Variants in DRAM2 observed in about 807,000 individuals in gnomAD.
DRAM2 encodes DNA damage regulated autophagy modulator 2, also known as DNA damage-regulated autophagy modulator protein 2.
DRAM2 carries 26 observed loss-of-function variants against 33.5 expected under a neutral mutation model. That is an observed-to-expected ratio of 0.78 (90% CI 0.57 to 1.08). The LOEUF (loss-of-function observed/expected upper bound fraction) is 1.08. DRAM2 is among the 50% of genes least tolerant of loss of function. The pLI is 0.00. For missense variants in DRAM2, 311 were observed against 318.1 expected, an observed-to-expected ratio of 0.98 and a Z score of 0.17; for synonymous variants, 98 against 109.5, an observed-to-expected ratio of 0.89 and a Z score of 0.66.
At chr1:111,121,469 T>C (rs927820319) in intron 6 of DRAM2, among the ~76,000 whole-genome samples, 12 of 152,136 alleles carry the variant, frequency 7.9e-5, no homozygotes, top group African/African-American at 2.9e-4. Flanking sequence ...TGATATTTTA[T>C]TATGGCAGCA....
intron 6 of DRAM2, among the ~76,000 whole-genome samples, chr1:111,122,148 T>C (rs968153996): frequency 1.3e-5 from 2 of 152,178 alleles, no homozygotes; most frequent in African/African-American, 4.8e-5. Flanking sequence ...TTTTTTTCTC[T>C]CTTGAATTGT....
chr1:111,119,924 A>T lies in DRAM2; in HGVS notation c.553T>A (p.Phe185Ile). 6.2e-7 allele frequency: 1 copy of T among 1,612,994 alleles called. No homozygotes were observed. Among genetic ancestry groups the T allele is most frequent in the Non-Finnish European group, 8.5e-7 (1 of 1,179,206 alleles). ...AGTTTCTGTTCTAAATCAGTCCCAA[A>T]ATTGCCACTGTGCAAAACTGATGAG... ...TCSSVLHSGN[F>I]GTDLEQKLHW... Residue 185 changes from phenylalanine (F) to isoleucine (I), a missense_variant, in exon 8 of 10, where the codon TTT (phenylalanine) becomes ATT (isoleucine). Transcript: ENST00000484310.
rs544492476 is a variant in DRAM2, at chr1:111,133,244, C to A, written c.-14-1676G>T. 6.8e-5 allele frequency among the ~76,000 whole-genome samples: 10 copies of A among 147,942 alleles called. No individual in the cohort carries two copies. In the South Asian group the frequency reaches 2.1e-3, roughly 32 times the overall value. On this transcript the variant is annotated intron_variant, in intron 3 of 9. Transcript: ENST00000484310. ...CCAGGCTGGACTGCAGTGGCACAAT[C>A]TCGGCTCGCTGCAACCTCAGCCTCC...
At chr1:111,128,206 G>A (rs1417441441) in intron 4 of DRAM2, among the ~76,000 whole-genome samples, 2 of 146,658 alleles carry the variant, frequency 1.4e-5, no homozygotes, top group African/African-American at 5.1e-5. Flanking sequence ...CTTTTGGATA[G>A]GATCTAGGAA....
At chr1:111,127,150 G>A (rs1303167992) in intron 4 of DRAM2, among the ~76,000 whole-genome samples, 1 of 152,164 alleles carries the variant, frequency 6.6e-6, no homozygotes, top group East Asian at 1.9e-4. Context: ...GGTAATGCAT[G>A]TTAAGTATCT....
chr1:111,131,651 T>C, intron 3 of DRAM2, 83 bp from the exon 4 acceptor site: 1 of 1,335,740 alleles, frequency 7.5e-7, no homozygotes, highest in Non-Finnish European at 1.0e-6. Context: ...CACAGCCTTG[T>C]ACTTACCACC....
In DRAM2 at chr1:111,131,387, TAA is replaced by T. The variant is rs761614778; in HGVS notation, c.131+35_131+36del. The T allele has an allele frequency of 1.6e-5, 25 of 1,571,394 alleles. No homozygotes were observed. In the East Asian group the frequency reaches 4.7e-4, roughly 30 times the overall value. On this transcript the variant is annotated intron_variant, in intron 4 of 9. Coordinates refer to ENST00000484310, the MANE Select transcript of DRAM2 (RefSeq NM_001349884.2). ...TCAATGTTAAAATAAGAATGAGACATAAAGAGTCTCCTATACAAAGAATACAT... is the reference window on the plus strand; with the variant it reads ...TCAATGTTAAAATAAGAATGAGACATAGAGTCTCCTATACAAAGAATACAT...
intron 2 of DRAM2, 123 bp downstream of exon 2, chr1:111,139,378 G>A (rs1422207117): frequency 2.0e-5 from 3 of 152,190 alleles, no homozygotes; most frequent in African/African-American, 2.4e-5. Context: ...CACCCGCTGC[G>A]ATAGAATTGA....
rs1312382578 is a variant in DRAM2 at position 111,124,805 on chromosome 1, G to A, written c.276C>T (p.Asn92=). The change falls in exon 6 of 10, where the codon AAC becomes AAT. Residue 92 remains asparagine (N), a synonymous_variant. Coordinates refer to ENST00000484310, the MANE Select transcript of DRAM2 (RefSeq NM_001349884.2). ...SPEENVIIKL[N]KAGLVLGILS... ...GTATTCCAAGTACAAGGCCAGCCTT[G>A]TTTAATTTGATGATAACGTTCTCTT... 1.9e-6 allele frequency: 3 copies of A among 1,613,532 alleles called. No individual in the cohort carries two copies. Among genetic ancestry groups the A allele is most frequent in the South Asian group, 1.1e-5 (1 of 91,072 alleles).
At chr1:111,130,868 G>A (rs1238301229) in intron 4 of DRAM2, among the ~76,000 whole-genome samples, 1 of 151,250 alleles carries the variant, frequency 6.6e-6, no homozygotes, top group Non-Finnish European at 1.5e-5. Flanking sequence ...TCAGCTGGGC[G>A]TAGTGATGCA....
rs1254929331 is a variant in DRAM2 at position 111,117,660 on chromosome 1, GAAC to G, written c.*497_*499del. ...TACTTTCCTTTACAGGTAGATTCCA[GAAC>G]AACAACAAAAAATGTAAGACTACAA... is the stretch of plus-strand genomic sequence containing the variant. On this transcript the variant is annotated 3_prime_UTR_variant, in exon 10 of 10. Transcript: ENST00000484310. The G allele has an allele frequency of 1.9e-5, 3 of 156,152 alleles. No homozygotes were observed. Among genetic ancestry groups the G allele is most frequent in the African/African-American group, 7.2e-5 (3 of 41,380 alleles). The allele number at this position is 156,152 out of a possible 1,614,324, so 9.7% of individuals were successfully genotyped here. A position where few individuals can be genotyped will look rare whatever the true frequency, so the allele number is the denominator to read the frequency against.
intron 3 of DRAM2, among the ~76,000 whole-genome samples, chr1:111,133,178 CTTTTT>C (rs35385263): frequency 1.5e-5 from 2 of 134,582 alleles, no homozygotes; most frequent in Non-Finnish European, 3.2e-5. Context: ...CTTTACTTAC[CTTTTT>C]TTTTTTTTTT....
chr1:111,117,607 C>T lies in DRAM2; in HGVS notation c.*553G>A, dbSNP rs1325740085. 1 of 153,574 alleles carries T rather than the reference C, an allele frequency of 6.5e-6. No homozygotes were observed. Among genetic ancestry groups the T allele is most frequent in the African/African-American group, 2.4e-5 (1 of 41,404 alleles). 9.5% of individuals were successfully genotyped at this position (153,574 alleles called of 1,614,324 possible). ...AAAATCTCTTGGGCAACACTTAAGC[C>T]ATGGAAGAGCCCACATGAATCCAGG... is the stretch of plus-strand genomic sequence containing the variant. On this transcript the variant is annotated 3_prime_UTR_variant, in exon 10 of 10. Coordinates refer to ENST00000484310, the MANE Select transcript of DRAM2 (RefSeq NM_001349884.2).
rs551362455 is a variant in DRAM2 at position 111,136,991 on chromosome 1, C to T, written c.-15+532G>A. Among the ~76,000 whole-genome samples, 24 of 150,416 alleles carry T rather than the reference C, an allele frequency of 1.6e-4. 1 individual carries two copies. In the South Asian group the frequency reaches 4.9e-3, roughly 31 times the overall value. On this transcript the variant is annotated intron_variant, in intron 3 of 9. Coordinates refer to ENST00000484310, the MANE Select transcript of DRAM2 (RefSeq NM_001349884.2). The stretch of plus-strand genomic sequence containing the variant: ...ATGATTGGCCGGGCACGGTGGCTCG[C>T]GCCTGTAATCCTAGCACTTTGGGAG...
chr1:111,123,555 CAA>C (rs1650428217), intron 6 of DRAM2, among the ~76,000 whole-genome samples: 1 of 152,182 alleles, frequency 6.6e-6, no homozygotes, highest in Non-Finnish European at 1.5e-5. Context: ...TACCATCCCT[CAA>C]GTGATGTCTA....
intron 4 of DRAM2, among the ~76,000 whole-genome samples, chr1:111,128,452 AG>A (rs1171063190): frequency 6.6e-6 from 1 of 152,166 alleles, no homozygotes; most frequent in Non-Finnish European, 1.5e-5. Context: ...AGTACCACCA[AG>A]GAAGTGAAAC....
chr1:111,128,692 C>T (rs944299723), intron 4 of DRAM2, among the ~76,000 whole-genome samples: 3 of 152,126 alleles, frequency 2.0e-5, no homozygotes, highest in Non-Finnish European at 4.4e-5. Context: ...GTGGATTCAA[C>T]GAAGTACTTG....
At chr1:111,126,133 C>T (rs1650959739) in intron 5 of DRAM2, 94 bp downstream of exon 5, 1 of 776,660 alleles carries the variant, frequency 1.3e-6, no homozygotes, top group Non-Finnish European at 2.3e-6. Context: ...TCAAGTATAA[C>T]TAGAAAGTAA....
At chr1:111,136,907 G>A (rs1363659207) in intron 3 of DRAM2, among the ~76,000 whole-genome samples, 1 of 151,902 alleles carries the variant, frequency 6.6e-6, no homozygotes, top group Non-Finnish European at 1.5e-5. Context: ...CTGGGAGGCG[G>A]AGGTTGCAGT....
Sources: gnomAD v4.1 joint callset for allele counts (sites outside exome capture counted in the v4.1 genomes callset) on GRCh38, gnomAD v4.1.1 for gene constraint, MANE v1.5 for transcripts, NCBI Gene and HGNC (gene_info 2026-07-23, HGNC 2026-07-21) for gene names.